The following MIS18A variants were observed in gnomAD, a reference collection of about 807,000 sequenced individuals.
MIS18A encodes MIS18 kinetochore protein A.
A neutral mutation model predicts 25.0 loss-of-function variants in MIS18A; 14 were observed. The ratio of observed to expected loss-of-function variants is 0.56; its 90% CI spans 0.37 to 0.88. MIS18A has a LOEUF of 0.88. Ranked by LOEUF, MIS18A falls within the 40% of genes least tolerant of loss-of-function variation. The probability of loss-of-function intolerance (pLI) is 0.00; values close to 1 mark genes in which losing one functional copy is unlikely to be tolerated. For synonymous variants in MIS18A, 134 were observed against 118.6 expected (o/e 1.13, Z -0.84); for missense variants, 292 against 290.8 (o/e 1.00, Z -0.03).
At chr21:32,205,097 C>CTTTTTTTTTTTT in the MIS18A span, among the ~76,000 whole-genome samples, 2 of 66,182 alleles carry the variant, frequency 3.0e-5, no homozygotes, top group African/African-American at 6.4e-5. Flanking sequence ...AGAACTTGTC[C>CTTTTTTTTTTTT]TTTTTTTTTT....
At chr21:32,179,058 G>T in the MIS18A span, among the ~76,000 whole-genome samples, 1 of 151,314 alleles carries the variant, frequency 6.6e-6, no homozygotes, top group South Asian at 2.1e-4. Flanking sequence ...TTATAATAGT[G>T]TCTTGTCCCT....
Position 32,274,884 on chromosome 21 carries a change from T to C in MIS18A, c.347A>G (p.Asn116Ser). The change falls in exon 2 of 5, where the codon AAT (asparagine) becomes AGT (serine). Residue 116 changes from asparagine to serine, a missense_variant. By Grantham distance (46) the Asn-to-Ser change is conservative (BLOSUM62 1). Transcript: ENST00000290130. ...NCILLRCVSC[N>S]VSVDKEQKLS... Reference sequence around the variant, plus strand: ...CTTCTGTTCCTTATCCACAGAAACATTACAGGAAACACCTAGAAACAGAGA... The same window carrying C: ...CTTCTGTTCCTTATCCACAGAAACACTACAGGAAACACCTAGAAACAGAGA... 1 of 1,612,388 alleles carries C rather than the reference T, an allele frequency of 6.2e-7. No individual in the cohort carries two copies. Among genetic ancestry groups the C allele is most frequent in the Non-Finnish European group, 8.5e-7 (1 of 1,178,822 alleles).
the MIS18A span, among the ~76,000 whole-genome samples, chr21:32,237,050 C>T: frequency 6.6e-6 from 1 of 151,494 alleles, no homozygotes; most frequent in Non-Finnish European, 1.5e-5. Flanking sequence ...CATGGTGCAA[C>T]ACCCCCCACC....
the MIS18A span, among the ~76,000 whole-genome samples, chr21:32,237,807 T>C: frequency 6.6e-6 from 1 of 152,148 alleles, no homozygotes; most frequent in Admixed American, 6.5e-5. Context: ...GATGGACAGC[T>C]AGGATACTCT....
the MIS18A span, among the ~76,000 whole-genome samples, chr21:32,186,666 G>A: frequency 2.0e-5 from 3 of 152,202 alleles, no homozygotes; most frequent in African/African-American, 7.2e-5. Context: ...GCAAGAGTGA[G>A]AGAGAGAAAG....
chr21:32,183,910 T>C, the MIS18A span, among the ~76,000 whole-genome samples: 3 of 152,342 alleles, frequency 2.0e-5, no homozygotes, highest in South Asian at 4.1e-4. Flanking sequence ...TGTTTTAGAC[T>C]TGGGCAGCAC....
chr21:32,212,106 T>C, the MIS18A span, among the ~76,000 whole-genome samples: 2 of 152,256 alleles, frequency 1.3e-5, no homozygotes, highest in South Asian at 4.2e-4. Context: ...ATAAACCTGG[T>C]GGAGAGAGGC....
At chr21:32,213,959 G>C in the MIS18A span, among the ~76,000 whole-genome samples, 2 of 152,158 alleles carry the variant, frequency 1.3e-5, no homozygotes, top group Non-Finnish European at 2.9e-5. Flanking sequence ...GGAATTCTAG[G>C]ACTGAATATC....
At chr21:32,275,742 A>G (rs1421392829) in intron 1 of MIS18A, among the ~76,000 whole-genome samples, 1 of 152,128 alleles carries the variant, frequency 6.6e-6, no homozygotes, top group Non-Finnish European at 1.5e-5. Context: ...TGCTGAAATC[A>G]GAAACCAGGG....
the MIS18A span, among the ~76,000 whole-genome samples, chr21:32,244,807 C>T: frequency 1.3e-5 from 2 of 151,886 alleles, no homozygotes; most frequent in African/African-American, 4.8e-5. Flanking sequence ...GGAAAAGGCA[C>T]AAAGATGGAA....
the MIS18A span, among the ~76,000 whole-genome samples, chr21:32,221,936 T>C: frequency 6.6e-6 from 1 of 151,790 alleles, no homozygotes; most frequent in Non-Finnish European, 1.5e-5. Flanking sequence ...AATTCACACA[T>C]AACAATATTA....
intron 2 of MIS18A, among the ~76,000 whole-genome samples, 160 bp downstream of exon 2, chr21:32,274,670 T>C (rs778211279): frequency 2.0e-5 from 3 of 152,098 alleles, no homozygotes; most frequent in East Asian, 1.9e-4. Context: ...AAACAGGATA[T>C]AGAAAAAGCA....
At chr21:32,200,687 C>T in the MIS18A span, among the ~76,000 whole-genome samples, 7 of 152,092 alleles carry the variant, frequency 4.6e-5, no homozygotes. Flanking sequence ...ATTCGCCTGC[C>T]TTGGCCTCCC....
the MIS18A span, among the ~76,000 whole-genome samples, chr21:32,222,727 CA>C: frequency 1.4e-5 from 2 of 144,622 alleles, no homozygotes; most frequent in Non-Finnish European, 3.0e-5. Flanking sequence ...GTCAGGAGAT[CA>C]AGACCATCCT....
At chr21:32,157,205 C>T in the MIS18A span, among the ~76,000 whole-genome samples, 3 of 148,664 alleles carry the variant, frequency 2.0e-5, no homozygotes, top group East Asian at 2.0e-4. Flanking sequence ...ACCAGGCACC[C>T]GCCACCGTAC....
Position 32,278,762 on chromosome 21 carries a change from A to G in MIS18A, c.253T>C (p.Cys85Arg). ...CCCAGCGGCCGCCGGCAGCCGGAGC[A>G]CAGGAACACCAGCGGCCTCTCCTCC... ...AAEERPLVFL[C>R]SGCRRPLGDS... Residue 85 changes from cysteine (C) to arginine (R), a missense_variant, in exon 1 of 5, where the codon TGC (cysteine) becomes CGC (arginine). Physicochemically the swap from Cys to Arg is radical, Grantham distance 180. Coordinates refer to ENST00000290130, the MANE Select transcript of MIS18A (RefSeq NM_018944.3). 1 of 1,579,568 alleles carries G rather than the reference A, an allele frequency of 6.3e-7. No homozygotes were observed. Among genetic ancestry groups the G allele is most frequent in the Non-Finnish European group, 8.6e-7 (1 of 1,168,480 alleles).
chr21:32,178,848 C>T, the MIS18A span, among the ~76,000 whole-genome samples: 3 of 152,140 alleles, frequency 2.0e-5, no homozygotes, highest in South Asian at 6.2e-4. Flanking sequence ...AAAACCTTTT[C>T]GATCTGCCCT....
the MIS18A span, among the ~76,000 whole-genome samples, chr21:32,163,794 A>AGGATAAT: frequency 2.0e-5 from 3 of 152,118 alleles, no homozygotes; most frequent in African/African-American, 7.2e-5. Flanking sequence ...GGTCTAAAGG[A>AGGATAAT]GGCAGTTTTT....
chr21:32,198,823 T>C, the MIS18A span, among the ~76,000 whole-genome samples: 3 of 152,106 alleles, frequency 2.0e-5, no homozygotes, highest in Non-Finnish European at 4.4e-5. Context: ...AGTCCATATG[T>C]TATTAGCCTG....
Sources: gnomAD v4.1 joint callset for allele counts (sites outside exome capture counted in the v4.1 genomes callset) on GRCh38, gnomAD v4.1.1 for gene constraint, MANE v1.5 for transcripts, NCBI Gene and HGNC (gene_info 2026-07-23, HGNC 2026-07-21) for gene names.